Variants in NTHL1 observed in about 807,000 individuals in gnomAD.
NTHL1 encodes nth like DNA glycosylase 1, also known as endonuclease III-like protein 1.
Under a neutral mutation model 32.3 loss-of-function variants are expected in NTHL1, and 32 were observed. The ratio of observed to expected loss-of-function variants is 0.99; its 90% CI spans 0.75 to 1.33. The LOEUF is 1.33. Ranked by LOEUF, NTHL1 falls within the 40% of genes most tolerant of loss-of-function variation. NTHL1 has a pLI of 0.00. For synonymous variants in NTHL1, 188 were observed against 176.9 expected (o/e 1.06, Z -0.50); for missense variants, 501 against 414.1 (o/e 1.21, Z -1.82).
chr16:2,040,235 A>G lies in NTHL1; in HGVS notation c.689T>C (p.Val230Ala). ...GGCGATTCTGTGCACATGCGTGTCC[A>G]CTGCTGCTGGGAGGCCAAGCGGGGT... ...VAWGTVSGIA[V>A]DTHVHRIANR... Residue 230 changes from valine (V) to alanine (A), a missense_variant, in exon 5 of 6, where the codon GTG becomes GCG. Physicochemically the swap from Val to Ala is moderately conservative, Grantham distance 64. Transcript: ENST00000651570. 1.2e-6 allele frequency: 2 copies of G among 1,613,404 alleles called. No homozygotes were observed. The highest frequency in any genetic ancestry group is 1.6e-4 in the Middle Eastern group (1 of 6,062).
At chr16:2,046,619 T>G (rs3211967) in intron 1 of NTHL1, among the ~76,000 whole-genome samples, 9 of 152,154 alleles carry the variant, frequency 5.9e-5, no homozygotes, top group Admixed American at 2.6e-4. Flanking sequence ...ATACATCTTC[T>G]ATACTGCACC....
Position 2,046,442 on chromosome 16 carries a change from GCT to G in NTHL1, c.116-78_116-77del, listed in dbSNP as rs1231430432. ...GGTAGGGGTGCCATCCCGCCTGCTAGCTCACCCCTCACTCGTTCATGCCACAA... is the reference window on the plus strand; with the variant it reads ...GGTAGGGGTGCCATCCCGCCTGCTAGCACCCCTCACTCGTTCATGCCACAA... On this transcript the variant is annotated intron_variant, in intron 1 of 5. Coordinates refer to ENST00000651570, the MANE Select transcript of NTHL1 (RefSeq NM_002528.7). 5.2e-6 allele frequency: 7 copies of G among 1,339,446 alleles called. No homozygotes were observed. In the African/African-American group the frequency reaches 7.2e-5, roughly 14 times the overall value. The allele number at this position is 1,339,446 out of a possible 1,614,324, so 83.0% of individuals were successfully genotyped here. A position where few individuals can be genotyped will look rare whatever the true frequency, so the allele number is the denominator to read the frequency against.
At position 2,041,857 on chromosome 16, in the gene NTHL1, C is replaced by G. The variant is rs932662380; in HGVS notation, c.686-1619G>C. 1.6e-4 allele frequency: 57 copies of G among 351,844 alleles called. No homozygotes were observed. In the East Asian group the frequency reaches 3.6e-3, roughly 22 times the overall value. The allele number at this position is 351,844 out of a possible 1,614,324, so 21.8% of individuals were successfully genotyped here. ...TCTCCTGACCTCGTGATCTGCCTGC[C>G]TCGGCCTCCCAAAGTGCTGGGATTA... On this transcript the variant is annotated intron_variant, in intron 4 of 5. Coordinates refer to ENST00000651570, the MANE Select transcript of NTHL1 (RefSeq NM_002528.7).
intron 2 of NTHL1, among the ~76,000 whole-genome samples, chr16:2,045,237 C>T (rs1439618319): frequency 5.3e-5 from 8 of 151,660 alleles, no homozygotes; most frequent in East Asian, 2.0e-4. Context: ...CTCGGGAGGC[C>T]GAGGCAGGAG....
rs745986873 is a variant in NTHL1 at position 2,046,138 on chromosome 16, G to A, written c.344C>T (p.Ala115Val). The change falls in exon 2 of 6, where the codon GCC becomes GTC. Residue 115 changes from alanine to valine, a missense_variant. By Grantham distance (64) the Ala-to-Val change is moderately conservative. Transcript: ENST00000651570. ...LGTEHCYDSS[A>V]PPKVRRYQVL... ...GGGGCCCCTGCCTACCTTTGGGGGG[G>A]CACTGGAGTCATAGCAGTGCTCAGT... 43 of 1,612,408 alleles carry A rather than the reference G, an allele frequency of 2.7e-5. No homozygotes were observed. The highest frequency in any genetic ancestry group is 3.4e-5 in the Non-Finnish European group (40 of 1,179,532).
In NTHL1 at chr16:2,044,657, C is replaced by G; in HGVS notation, c.498G>C (p.Lys166Asn). 1 of 1,608,644 alleles carries G rather than the reference C, an allele frequency of 6.2e-7. No homozygotes were observed. The highest frequency in any genetic ancestry group is 8.5e-7 in the Non-Finnish European group (1 of 1,179,926). Residue 166 changes from lysine to asparagine, a missense_variant, in exon 3 of 6, where the codon AAG (lysine) becomes AAC (asparagine). Transcript: ENST00000651570. This position sits in a 1 kb window ranked among gnomAD's most constrained non-coding sequence, Gnocchi z 5.0. ...TCCAGAAACCGACGGGGTAGATGAG[C>G]TTGCCCAGCGTGGCATCATCTGTCT... ...ILQTDDATLG[K>N]LIYPVGFWRS...
rs1485517752 is a variant in NTHL1, at chr16:2,044,933, G to A, written c.355-133C>T. 1.0e-6 allele frequency: 1 copy of A among 1,000,934 alleles called. No homozygotes were observed. Among genetic ancestry groups the A allele is most frequent in the East Asian group, 2.6e-5 (1 of 37,828 alleles). 62.0% of individuals were successfully genotyped at this position (1,000,934 alleles called of 1,614,324 possible). A position where few individuals can be genotyped will look rare whatever the true frequency, so the allele number is the denominator to read the frequency against. ...ACTTGAGGCATCAGCCTCCCCCTGT[G>A]GGGTGGGGAGGTCTGGTTTGGGTAT... On this transcript the variant is annotated intron_variant, in intron 2 of 5. Coordinates refer to ENST00000651570, the MANE Select transcript of NTHL1 (RefSeq NM_002528.7). This position sits in a 1 kb window ranked among gnomAD's most constrained non-coding sequence, Gnocchi z 5.0.
chr16:2,040,657 G>C (rs1392449542), intron 4 of NTHL1, among the ~76,000 whole-genome samples: 1 of 152,214 alleles, frequency 6.6e-6, no homozygotes, highest in Non-Finnish European at 1.5e-5. Context: ...CCCTGCCAGA[G>C]AGATTGGCCA....
chr16:2,040,814 C>T (rs2084258243), intron 4 of NTHL1, among the ~76,000 whole-genome samples: 1 of 152,226 alleles, frequency 6.6e-6, no homozygotes, highest in Non-Finnish European at 1.5e-5. Context: ...CTGTCTGTCT[C>T]CTGTGGCCTG....
Position 2,046,396 on chromosome 16 carries a change from T to C in NTHL1, c.116-30A>G. On this transcript the variant is annotated intron_variant, in intron 1 of 5. Coordinates refer to ENST00000651570, the MANE Select transcript of NTHL1 (RefSeq NM_002528.7). ...AAAAAGCACCACGCAGTCCCTCTGG[T>C]GGGGCCACAGGTGAAGGTAGGGTAG... 4 of 1,592,848 alleles carry C rather than the reference T, an allele frequency of 2.5e-6. No individual in the cohort carries two copies. In the South Asian group the frequency reaches 4.4e-5, roughly 18 times the overall value.
At position 2,043,387 on chromosome 16, in the gene NTHL1, T is replaced by C. The variant is rs1375583619; in HGVS notation, c.685+180A>G. 7 of 792,416 alleles carry C rather than the reference T, an allele frequency of 8.8e-6. No individual in the cohort carries two copies. The highest frequency in any genetic ancestry group is 2.4e-5 in the Admixed American group (1 of 41,640). The allele number at this position is 792,416 out of a possible 1,614,324, so 49.1% of individuals were successfully genotyped here. On this transcript the variant is annotated intron_variant, in intron 4 of 5. Coordinates refer to ENST00000651570, the MANE Select transcript of NTHL1 (RefSeq NM_002528.7). The surrounding 1 kb of genome is among the most constrained non-coding windows in gnomAD (Gnocchi z 4.4). ...GAGCAGGTGCTCAGCCCATGTGACCTCCTGCCCCAGCACCTGTCTCTGAGT... is the reference window on the plus strand; with the variant it reads ...GAGCAGGTGCTCAGCCCATGTGACCCCCTGCCCCAGCACCTGTCTCTGAGT...
chr16:2,043,597 C>G lies in NTHL1; in HGVS notation c.655G>C (p.Ala219Pro), dbSNP rs1596219284. 3 of 1,609,300 alleles carry G rather than the reference C, an allele frequency of 1.9e-6. No homozygotes were observed. The highest frequency in any genetic ancestry group is 2.5e-6 in the Non-Finnish European group (3 of 1,179,980). ...VGPKMAHLAM[A>P]VAWGTVSGIA... ...CCTGACACAGTGCCCCAGGCCACAG[C>G]CATAGCCAGGTGTGCCATCTTGGGC... is the stretch of plus-strand genomic sequence containing the variant. Residue 219 changes from alanine to proline, a missense_variant, in exon 4 of 6, where the codon GCT becomes CCT. Ala to Pro is a conservative substitution (Grantham distance 27, BLOSUM62 -1). Coordinates refer to ENST00000651570, the MANE Select transcript of NTHL1 (RefSeq NM_002528.7). The surrounding 1 kb of genome is among the most constrained non-coding windows in gnomAD (Gnocchi z 4.4).
intron 4 of NTHL1, among the ~76,000 whole-genome samples, chr16:2,040,645 G>A (rs907684002): frequency 4.6e-5 from 7 of 152,214 alleles, no homozygotes; most frequent in Non-Finnish European, 7.3e-5. Flanking sequence ...CTGGGGGCCA[G>A]ACCCTGCCAG....
rs564181825 is a variant in NTHL1, at chr16:2,040,123, A to C, written c.791+10T>G. The C allele has an allele frequency of 2.9e-5, 46 of 1,613,296 alleles. No homozygotes were observed. The East Asian group carries it at 8.7e-4, about 30-fold the overall frequency. ...CTCTTCTCCCTAGGAAGCCCCCCAC[A>C]TACTCATACCTAGGCAGCCACTCCT... is the stretch of plus-strand genomic sequence containing the variant. On this transcript the variant is annotated intron_variant, in intron 5 of 5. Coordinates refer to ENST00000651570, the MANE Select transcript of NTHL1 (RefSeq NM_002528.7).
chr16:2,042,972 C>T (rs1242369784), intron 4 of NTHL1, among the ~76,000 whole-genome samples: 1 of 107,008 alleles, frequency 9.3e-6, no homozygotes, highest in African/African-American at 3.8e-5. Flanking sequence ...CTTTCTCCCC[C>T]CAGCACCTCC....
chr16:2,042,150 G>A (rs965709774), intron 4 of NTHL1: 31 of 453,714 alleles, frequency 6.8e-5, no homozygotes, highest in African/African-American at 5.0e-4. Flanking sequence ...CAGACACCTG[G>A]AGAGGGAGGT....
At position 2,044,638 on chromosome 16, in the gene NTHL1, A is replaced by T; in HGVS notation, c.517T>A (p.Phe173Ile). 1.2e-6 allele frequency: 2 copies of T among 1,604,922 alleles called. No homozygotes were observed. Among genetic ancestry groups the T allele is most frequent in the Non-Finnish European group, 1.7e-6 (2 of 1,179,904 alleles). The change falls in exon 3 of 6, where the codon TTC becomes ATC. Residue 173 changes from phenylalanine to isoleucine, a missense_variant. By Grantham distance (21) the Phe-to-Ile change is conservative (BLOSUM62 0). Transcript: ENST00000651570. This position sits in a 1 kb window ranked among gnomAD's most constrained non-coding sequence, Gnocchi z 5.0. Reference protein sequence around the residue: ...TLGKLIYPVGFWRSKVKYIKQ... With the variant: ...TLGKLIYPVGIWRSKVKYIKQ... ...CCACAGGCAGGGCTCACCCTCCAGAAACCGACGGGGTAGATGAGCTTGCCC... is the reference window on the plus strand; with the variant it reads ...CCACAGGCAGGGCTCACCCTCCAGATACCGACGGGGTAGATGAGCTTGCCC...
chr16:2,044,920 A>C lies in NTHL1; in HGVS notation c.355-120T>G. 1 of 1,184,262 alleles carries C rather than the reference A, an allele frequency of 8.4e-7. No homozygotes were observed. Among genetic ancestry groups the C allele is most frequent in the South Asian group, 1.5e-5 (1 of 65,188 alleles). 73.4% of individuals were successfully genotyped at this position (1,184,262 alleles called of 1,614,324 possible). On this transcript the variant is annotated intron_variant, in intron 2 of 5. Transcript: ENST00000651570. The surrounding 1 kb of genome is among the most constrained non-coding windows in gnomAD (Gnocchi z 5.0). ...TGCCCTGGGCCACACTTGAGGCATC[A>C]GCCTCCCCCTGTGGGGTGGGGAGGT...
rs371328106 is a variant in NTHL1 at position 2,044,789 on chromosome 16, G to C, written c.366C>G (p.Tyr122Ter). The change falls in exon 3 of 6, where the codon TAC (tyrosine) becomes TAG (stop). Residue 122 changes from tyrosine to a stop codon, truncating the protein, a stop_gained. Coordinates refer to ENST00000651570, the MANE Select transcript of NTHL1 (RefSeq NM_002528.7). LOFTEE classifies it high-confidence loss of function. This position sits in a 1 kb window ranked among gnomAD's most constrained non-coding sequence, Gnocchi z 5.0. ...DSSAPPKVRR[Y>*]QVLLSLMLSS... The stretch of plus-strand genomic sequence containing the variant: ...AGAGCATCAGTGACAGCAGCACCTG[G>C]TACCTGCGTACCTGCTTGTGCAGTG... 13 of 1,604,296 alleles carry C rather than the reference G, an allele frequency of 8.1e-6. No individual in the cohort carries two copies. Among genetic ancestry groups the C allele is most frequent in the Non-Finnish European group, 1.1e-5 (13 of 1,175,122 alleles).
Sources: allele counts gnomAD v4.1 joint callset (sites outside exome capture counted in the v4.1 genomes callset), GRCh38; gene constraint gnomAD v4.1.1; non-coding constraint Gnocchi (gnomAD v3.1); transcripts MANE v1.5; gene names NCBI Gene and HGNC (gene_info 2026-07-23, HGNC 2026-07-21).